The following CEP128 variants were observed in gnomAD, a reference collection of about 807,000 sequenced individuals.
CEP128 encodes centrosomal protein 128kDa.
In CEP128, 132 loss-of-function variants were observed where a neutral mutation model predicts 156.7. That is an observed-to-expected ratio of 0.84 (90% CI 0.73 to 0.97). The LOEUF (loss-of-function observed/expected upper bound fraction) is 0.97, where lower values mean the gene tolerates loss of function less well. Ranked by LOEUF, CEP128 falls within the 50% of genes least tolerant of loss-of-function variation. The pLI, the probability that CEP128 is intolerant of heterozygous loss-of-function variation, is 0.00. For missense variants in CEP128, 1,252 were observed against 1,281.9 expected, an observed-to-expected ratio of 0.98 and a Z score of 0.36; for synonymous variants, 469 against 448.9, an observed-to-expected ratio of 1.04 and a Z score of -0.57.
At chr14:80,562,113 A>C (rs1344536215) in intron 20 of CEP128, among the ~76,000 whole-genome samples, 1 of 151,746 alleles carries the variant, frequency 6.6e-6, no homozygotes, top group Admixed American at 6.6e-5. Flanking sequence ...TTTTTAGTAG[A>C]GACGGGGTTT....
At chr14:80,574,971 A>G (rs1012981827) in intron 20 of CEP128, among the ~76,000 whole-genome samples, 1 of 152,048 alleles carries the variant, frequency 6.6e-6, no homozygotes, top group African/African-American at 2.4e-5. Flanking sequence ...CATCTGAAAA[A>G]CAGCATGGCA....
intron 15 of CEP128, 68 bp from the exon 16 acceptor site, chr14:80,778,114 A>T (rs1363506960): frequency 1.5e-6 from 2 of 1,310,560 alleles, no homozygotes; most frequent in East Asian, 2.3e-5. Flanking sequence ...AACACATTAC[A>T]TATTTTATCA....
intron 2 of CEP128, among the ~76,000 whole-genome samples, chr14:80,919,210 G>C (rs1884719339): frequency 1.3e-5 from 2 of 152,090 alleles, no homozygotes; most frequent in South Asian, 4.1e-4. Flanking sequence ...ATAATAATCA[G>C]TTATCTGAAG....
chr14:80,937,175 G>T (rs1322943066), intron 2 of CEP128, among the ~76,000 whole-genome samples: 1 of 151,882 alleles, frequency 6.6e-6, no homozygotes, highest in Non-Finnish European at 1.5e-5. Flanking sequence ...AACAAAATTA[G>T]CCAGGTGTGG....
intron 13 of CEP128, among the ~76,000 whole-genome samples, chr14:80,802,884 A>G (rs781551971): frequency 3.0e-4 from 46 of 152,290 alleles, no homozygotes; most frequent in Non-Finnish European, 5.9e-4. Flanking sequence ...TTAAACAGGA[A>G]TGGACTTTTA....
chr14:80,845,078 CA>C, intron 9 of CEP128, among the ~76,000 whole-genome samples: 1 of 152,076 alleles, frequency 6.6e-6, no homozygotes, highest in African/African-American at 2.4e-5. Context: ...AATGAATCAG[CA>C]AAAATTCAAT....
chr14:80,927,779 T>G (rs10150391), intron 2 of CEP128, among the ~76,000 whole-genome samples: 17,894 of 152,176 alleles, frequency 0.12, 1,589 homozygotes, highest in African/African-American at 0.25. Context: ...TTGTAGCTGT[T>G]TTTCACCATG....
At chr14:80,814,882 C>A (rs1348743770) in intron 13 of CEP128, among the ~76,000 whole-genome samples, 1 of 152,138 alleles carries the variant, frequency 6.6e-6, no homozygotes, top group Admixed American at 6.5e-5. Context: ...CATGGTGAAA[C>A]CCTGTCTCTA....
At chr14:80,635,419 C>A (rs1022570354) in intron 19 of CEP128, among the ~76,000 whole-genome samples, 33 of 152,068 alleles carry the variant, frequency 2.2e-4, no homozygotes, top group African/African-American at 7.5e-4. Flanking sequence ...ACAAAAAAAC[C>A]CCCAAATAAA....
At position 80,743,284 on chromosome 14, in the gene CEP128, A is replaced by G. The variant is rs746350613; in HGVS notation, c.2614-17T>C. On this transcript the variant is annotated splice_polypyrimidine_tract_variant and intron_variant, in intron 18 of 24. Coordinates refer to ENST00000555265, the MANE Select transcript of CEP128 (RefSeq NM_152446.5). Reference sequence around the variant, plus strand: ...AAGTTTAGTCTAAAAAATAACATTTATATCTAATGGTTAAAGAAACTCAGA... The same window carrying G: ...AAGTTTAGTCTAAAAAATAACATTTGTATCTAATGGTTAAAGAAACTCAGA... 1.9e-6 allele frequency: 3 copies of G among 1,548,662 alleles called. No individual in the cohort carries two copies. The highest frequency in any genetic ancestry group is 2.7e-6 in the Non-Finnish European group (3 of 1,124,694).
At chr14:80,538,178 G>C (rs1889572182) in intron 21 of CEP128, among the ~76,000 whole-genome samples, 1 of 151,858 alleles carries the variant, frequency 6.6e-6, no homozygotes, top group African/African-American at 2.4e-5. Context: ...AATCTCTGAG[G>C]TACCATCAAC....
At chr14:80,901,831 A>G (rs1421919427) in intron 6 of CEP128, among the ~76,000 whole-genome samples, 1 of 152,184 alleles carries the variant, frequency 6.6e-6, no homozygotes, top group Non-Finnish European at 1.5e-5. Flanking sequence ...ACACAGTAAC[A>G]TCCTTCTAAT....
chr14:80,897,754 C>A (rs75888877), intron 7 of CEP128, among the ~76,000 whole-genome samples: 7,063 of 151,594 alleles, frequency 0.047, 195 homozygotes, highest in Middle Eastern at 0.071. Flanking sequence ...ACTAGTGCAA[C>A]AGACTTCTAT....
At chr14:80,817,137 CAT>C in intron 13 of CEP128, among the ~76,000 whole-genome samples, 1 of 152,156 alleles carries the variant, frequency 6.6e-6, no homozygotes, top group African/African-American at 2.4e-5. Flanking sequence ...AGACTACACA[CAT>C]GATGGAGAAG....
At chr14:80,502,597 A>G (rs974786916) in intron 24 of CEP128, among the ~76,000 whole-genome samples, 4 of 152,094 alleles carry the variant, frequency 2.6e-5, no homozygotes, top group African/African-American at 9.7e-5. Context: ...TATGGCAATC[A>G]TATTTTAAAA....
chr14:80,738,071 T>C (rs1898625157), intron 19 of CEP128, among the ~76,000 whole-genome samples: 1 of 152,208 alleles, frequency 6.6e-6, no homozygotes, highest in Non-Finnish European at 1.5e-5. Flanking sequence ...CTTCTATGAA[T>C]ATCATGATTC....
At chr14:80,921,076 A>T (rs972184163) in intron 2 of CEP128, among the ~76,000 whole-genome samples, 2 of 152,252 alleles carry the variant, frequency 1.3e-5, no homozygotes, top group African/African-American at 4.8e-5. Context: ...ACATTAAAAA[A>T]TTTGTTTCTG....
chr14:80,680,030 T>C (rs1311624076), intron 19 of CEP128, among the ~76,000 whole-genome samples: 1 of 152,212 alleles, frequency 6.6e-6, no homozygotes, highest in Non-Finnish European at 1.5e-5. Context: ...GGCAGCGTAG[T>C]TGCGCATGCA....
At chr14:80,852,273 C>T (rs1195895342) in intron 9 of CEP128, among the ~76,000 whole-genome samples, 1 of 151,728 alleles carries the variant, frequency 6.6e-6, no homozygotes, top group Non-Finnish European at 1.5e-5. Flanking sequence ...AAAATAAGCA[C>T]ACATATATCT....
Sources: gnomAD v4.1 joint callset for allele counts (sites outside exome capture counted in the v4.1 genomes callset) on GRCh38, gnomAD v4.1.1 for gene constraint, MANE v1.5 for transcripts, NCBI Gene and HGNC (gene_info 2026-07-23, HGNC 2026-07-21) for gene names.